Variants in IQGAP2 observed in about 807,000 individuals in gnomAD.
IQGAP2 encodes the protein ras GTPase-activating-like protein IQGAP2.
In IQGAP2, 173 loss-of-function variants were observed where a neutral mutation model predicts 201.3. That is an observed-to-expected ratio of 0.86 (90% confidence interval 0.76 to 0.98). IQGAP2 has a LOEUF of 0.98. Ranked by LOEUF, IQGAP2 falls within the 50% of genes least tolerant of loss-of-function variation. IQGAP2 has a pLI of 0.00. For synonymous variants in IQGAP2, 675 were observed against 673.9 expected (o/e 1.00, Z -0.03); for missense variants, 1,687 against 1,864.8 (o/e 0.90, Z 1.76).
At chr5:76,548,275 A>G (rs1019792307) in intron 2 of IQGAP2, among the ~76,000 whole-genome samples, 1 of 152,208 alleles carries the variant, frequency 6.6e-6, no homozygotes, top group Non-Finnish European at 1.5e-5. Flanking sequence ...TCCAAGGTCC[A>G]GTGAACACAG....
At chr5:76,668,414 A>T (rs1743983288) in intron 22 of IQGAP2, among the ~76,000 whole-genome samples, 3 of 151,494 alleles carry the variant, frequency 2.0e-5, no homozygotes, top group South Asian at 4.1e-4. Context: ...TTAATATTTT[A>T]AAATATTAAT....
intron 5 of IQGAP2, among the ~76,000 whole-genome samples, chr5:76,576,309 G>A (rs1173826567): frequency 6.6e-6 from 1 of 152,108 alleles, no homozygotes; most frequent in Non-Finnish European, 1.5e-5. Context: ...GTCAAATCAA[G>A]ACACATTCAT....
At chr5:76,705,038 T>C (rs1255249355) in intron 35 of IQGAP2, among the ~76,000 whole-genome samples, 1 of 152,178 alleles carries the variant, frequency 6.6e-6, no homozygotes, top group South Asian at 2.1e-4. Context: ...ATATGACTTA[T>C]GTGATATATA....
chr5:76,445,639 A>G (rs1753342481), intron 1 of IQGAP2, among the ~76,000 whole-genome samples: 1 of 151,712 alleles, frequency 6.6e-6, no homozygotes, highest in African/African-American at 2.4e-5. Flanking sequence ...TACTTTTTGT[A>G]CTTTTAGTAG....
At chr5:76,421,065 T>G (rs940002231) in intron 1 of IQGAP2, among the ~76,000 whole-genome samples, 1 of 152,188 alleles carries the variant, frequency 6.6e-6, no homozygotes, top group African/African-American at 2.4e-5. Flanking sequence ...AGCCTTTGCT[T>G]TAGTTTTGGG....
chr5:76,628,192 T>C (rs1036132868), intron 14 of IQGAP2, among the ~76,000 whole-genome samples: 4 of 152,198 alleles, frequency 2.6e-5, no homozygotes, highest in South Asian at 2.1e-4. Context: ...TTTACCAGGG[T>C]GACTGTACTT....
intron 1 of IQGAP2, 52 bp from the exon 2 acceptor site, chr5:76,461,518 G>A: frequency 4.7e-6 from 6 of 1,284,964 alleles, no homozygotes; most frequent in Non-Finnish European, 6.8e-6. Context: ...TGTCTCAGGT[G>A]TTTAATGAAG....
intron 1 of IQGAP2, among the ~76,000 whole-genome samples, chr5:76,441,869 T>C (rs1753061858): frequency 1.3e-5 from 2 of 152,162 alleles, no homozygotes; most frequent in African/African-American, 4.8e-5. Context: ...GAATGGCACA[T>C]GTGGAATGAA....
chr5:76,574,178 G>A (rs1260712211), intron 4 of IQGAP2, among the ~76,000 whole-genome samples: 1 of 152,092 alleles, frequency 6.6e-6, no homozygotes, highest in African/African-American at 2.4e-5. Flanking sequence ...TTTACTTAAA[G>A]TAAATAATGT....
intron 2 of IQGAP2, among the ~76,000 whole-genome samples, chr5:76,478,235 T>C (rs1755565007): frequency 6.6e-6 from 1 of 152,032 alleles, no homozygotes; most frequent in African/African-American, 2.4e-5. Context: ...CCCCTATCTC[T>C]ACTAAAAATA....
At chr5:76,594,737 TG>T (rs1432020030) in intron 9 of IQGAP2, among the ~76,000 whole-genome samples, 1 of 152,092 alleles carries the variant, frequency 6.6e-6, no homozygotes, top group African/African-American at 2.4e-5. Flanking sequence ...GAGGCTGAAA[TG>T]GGTGGATCAC....
In IQGAP2 at chr5:76,426,232, G is replaced by A. The variant is rs1009115165; in HGVS notation, c.46+22641G>A. Among the ~76,000 whole-genome samples, 6 of 152,138 alleles carry A rather than the reference G, an allele frequency of 3.9e-5. No homozygotes were observed. In the East Asian group the frequency reaches 7.7e-4, roughly 20 times the overall value. On this transcript the variant is annotated intron_variant, in intron 1 of 35. Coordinates refer to ENST00000274364, the MANE Select transcript of IQGAP2 (RefSeq NM_006633.5). The stretch of plus-strand genomic sequence containing the variant: ...GAGCTTTGTTCTCCCTGGGAACAGC[G>A]TGCCCCAGAAGAAAGGTTACAGTAT...
At chr5:76,539,526 T>C (rs569068866) in intron 2 of IQGAP2, among the ~76,000 whole-genome samples, 3 of 152,266 alleles carry the variant, frequency 2.0e-5, no homozygotes, top group African/African-American at 7.2e-5. Context: ...TGCTCATCTC[T>C]CCTTCTTGCA....
At chr5:76,593,124 T>C (rs1018225707) in intron 9 of IQGAP2, among the ~76,000 whole-genome samples, 199 bp downstream of exon 9, 1 of 152,214 alleles carries the variant, frequency 6.6e-6, no homozygotes, top group Non-Finnish European at 1.5e-5. Flanking sequence ...GTGATCTCAG[T>C]CCACACAAAG....
rs114416566 is a variant in IQGAP2, at chr5:76,613,570, G to T, written c.1521+2387G>T. ...CTATTAATGAAGAATATGTGCACGT[G>T]TTTGTGTAGCTATAGCATTTAGCAT... On this transcript the variant is annotated intron_variant, in intron 13 of 35. Coordinates refer to ENST00000274364, the MANE Select transcript of IQGAP2 (RefSeq NM_006633.5). 4.3e-3 allele frequency among the ~76,000 whole-genome samples: 650 copies of T among 152,258 alleles called. 3 individuals are homozygous for T. The highest frequency in any genetic ancestry group is 0.014 in the African/African-American group (602 of 41,536).
chr5:76,404,329 C>A (rs1750680010), intron 1 of IQGAP2: 2 of 327,672 alleles, frequency 6.1e-6, no homozygotes, highest in African/African-American at 2.2e-5. Flanking sequence ...GTTGCTTTGG[C>A]CGATCGTGAG....
intron 1 of IQGAP2, among the ~76,000 whole-genome samples, chr5:76,434,949 T>G (rs1228629582): frequency 6.6e-6 from 1 of 152,260 alleles, no homozygotes; most frequent in East Asian, 1.9e-4. Flanking sequence ...AGTTCCCTGA[T>G]TAGTGATGTT....
intron 10 of IQGAP2, 41 bp from the exon 11 acceptor site, chr5:76,600,771 T>C: frequency 3.7e-6 from 6 of 1,607,662 alleles, no homozygotes; most frequent in Non-Finnish European, 5.1e-6. Context: ...ACATGAGGTG[T>C]GTTGTGTGGG....
At chr5:76,520,668 C>G (rs1758614231) in intron 2 of IQGAP2, among the ~76,000 whole-genome samples, 1 of 145,072 alleles carries the variant, frequency 6.9e-6, no homozygotes, top group Non-Finnish European at 1.5e-5. Context: ...TGTGTTAGAT[C>G]TTCAAGTCCA....
Sources: gnomAD v4.1 joint callset for allele counts (sites outside exome capture counted in the v4.1 genomes callset) on GRCh38, gnomAD v4.1.1 for gene constraint, MANE v1.5 for transcripts, NCBI Gene and HGNC (gene_info 2026-07-23, HGNC 2026-07-21) for gene names.